Variants in TMPRSS9 observed in about 807,000 individuals in gnomAD.
TMPRSS9 encodes transmembrane serine protease 9, also known as transmembrane protease serine 9.
A neutral mutation model predicts 111.4 loss-of-function variants in TMPRSS9; 113 were observed. The ratio of observed to expected loss-of-function variants is 1.01; its 90% CI spans 0.87 to 1.19. The LOEUF (loss-of-function observed/expected upper bound fraction) is 1.19, where lower values mean the gene tolerates loss of function less well. TMPRSS9 is among the 50% of genes most tolerant of loss of function. TMPRSS9 has a pLI of 0.00. For missense variants in TMPRSS9, 1,803 were observed against 1,513.1 expected, an observed-to-expected ratio of 1.19 and a Z score of -3.18; for synonymous variants, 805 against 659.1, an observed-to-expected ratio of 1.22 and a Z score of -3.39.
intron 7 of TMPRSS9, among the ~76,000 whole-genome samples, chr19:2,406,112 G>A (rs1214884665): frequency 3.4e-5 from 5 of 147,728 alleles, no homozygotes; most frequent in Non-Finnish European, 5.9e-5. Context: ...CCGGGTTCAC[G>A]CCATTCTCCT....
At chr19:2,426,079 C>T in exon 18 of TMPRSS9, 4 of 1,605,278 alleles carry the variant, frequency 2.5e-6, no homozygotes, top group South Asian at 1.1e-5. Flanking sequence ...GACAGCACAT[C>T]CAGGAGTGAC....
chr19:2,392,573 C>T (rs764176846), intron 1 of TMPRSS9, among the ~76,000 whole-genome samples: 2 of 152,084 alleles, frequency 1.3e-5, no homozygotes, highest in Non-Finnish European at 2.9e-5. Flanking sequence ...CAGGGCCGGG[C>T]GAAGCCAGCT....
chr19:2,366,667 C>T (rs1290391235), intron 1 of TMPRSS9, among the ~76,000 whole-genome samples: 1 of 151,400 alleles, frequency 6.6e-6, no homozygotes, highest in Non-Finnish European at 1.5e-5. Flanking sequence ...ACCATCCTGG[C>T]TAACACGATG....
At chr19:2,383,287 G>C (rs1054575253) in intron 1 of TMPRSS9, among the ~76,000 whole-genome samples, 1 of 151,844 alleles carries the variant, frequency 6.6e-6, no homozygotes, top group Admixed American at 6.6e-5. Context: ...CTGGGAGGCA[G>C]AGTTTGCAGT....
At chr19:2,399,145 G>A (rs200462986) in exon 4 of TMPRSS9, 44 of 1,612,854 alleles carry the variant, frequency 2.7e-5, no homozygotes, top group Non-Finnish European at 3.5e-5. Flanking sequence ...GCGGGAGCAC[G>A]GCATCTCCCT....
At chr19:2,379,662 T>TTTCTTTCC (rs1970369691) in intron 1 of TMPRSS9, among the ~76,000 whole-genome samples, 4 of 149,954 alleles carry the variant, frequency 2.7e-5, no homozygotes, top group Non-Finnish European at 4.4e-5. Context: ...TCTTTCTTTC[T>TTTCTTTCC]TTCTTTCTTT....
exon 15 of TMPRSS9, chr19:2,424,106 G>A (rs767031196): frequency 1.5e-6 from 2 of 1,324,576 alleles, no homozygotes; most frequent in South Asian, 2.0e-5. Flanking sequence ...CCTGGCGCCG[G>A]CCGCGCTCAC....
chr19:2,418,323 C>G (rs59476829), intron 13 of TMPRSS9, among the ~76,000 whole-genome samples, 185 bp downstream of exon 14: 1 of 41,954 alleles, frequency 2.4e-5, no homozygotes, highest in African/African-American at 2.4e-4. Context: ...CCCTCCCTCC[C>G]TCCCTCCCTT....
At chr19:2,393,858 A>T (rs1406539138) in intron 1 of TMPRSS9, among the ~76,000 whole-genome samples, 2 of 136,164 alleles carry the variant, frequency 1.5e-5, no homozygotes, top group African/African-American at 5.6e-5. Context: ...AGATCATGCC[A>T]CTGCACTCCA....
chr19:2,417,381 G>A (rs983007546), intron 12 of TMPRSS9, among the ~76,000 whole-genome samples: 1 of 151,284 alleles, frequency 6.6e-6, no homozygotes, highest in African/African-American at 2.4e-5. Flanking sequence ...CAGGAGAATT[G>A]CTTGAATCTG....
chr19:2,367,858 C>T (rs894889208), intron 1 of TMPRSS9, among the ~76,000 whole-genome samples: 7 of 152,094 alleles, frequency 4.6e-5, no homozygotes, highest in Admixed American at 3.9e-4. Context: ...AGCCACTGCA[C>T]CCAGCCCATG....
chr19:2,382,214 T>G (rs975617099), intron 1 of TMPRSS9, among the ~76,000 whole-genome samples: 12 of 152,058 alleles, frequency 7.9e-5, no homozygotes, highest in Admixed American at 4.6e-4. Context: ...CAGGCTGGAG[T>G]GCTCACTGCA....
chr19:2,385,660 T>A (rs1970462665), upstream of TMPRSS9, among the ~76,000 whole-genome samples: 1 of 152,048 alleles, frequency 6.6e-6, no homozygotes, highest in Admixed American at 6.6e-5. Flanking sequence ...AAGGCCAGAC[T>A]GGACAACATA....
At chr19:2,398,606 A>C (rs1970758169) in intron 2 of TMPRSS9, among the ~76,000 whole-genome samples, 189 bp from the exon 4 acceptor site, 1 of 152,112 alleles carries the variant, frequency 6.6e-6, no homozygotes, top group African/African-American at 2.4e-5. Flanking sequence ...TGACAGAGCA[A>C]GACTCTGTCT....
chr19:2,370,727 TTCTC>T (rs1163492545), intron 1 of TMPRSS9, among the ~76,000 whole-genome samples: 3 of 152,116 alleles, frequency 2.0e-5, no homozygotes, highest in African/African-American at 4.8e-5. Context: ...TGCTTTTGCT[TTCTC>T]TCTCTGTCTC....
chr19:2,395,106 C>T (rs1237502705), intron 1 of TMPRSS9, among the ~76,000 whole-genome samples: 1 of 152,016 alleles, frequency 6.6e-6, no homozygotes, highest in Admixed American at 6.6e-5. Context: ...TGTGGCGAAA[C>T]CCCATCTCTG....
rs563643375 is a variant in TMPRSS9, at chr19:2,395,063, C to T, written c.143-1476C>T. ...TGGCAGGCTGAGGCGGGCAGATCAC[C>T]TGAGGTCAGGAGTTCCCGACCAGCC... On this transcript the variant is annotated intron_variant, in intron 1 of 17. Transcript: ENST00000648592. Among the ~76,000 whole-genome samples the T allele has an allele frequency of 1.1e-3, 172 of 152,148 alleles. 1 individual carries two copies. The highest frequency in any genetic ancestry group is 4.1e-3 in the African/African-American group (169 of 41,540).
chr19:2,378,071 G>A (rs1970353775), intron 1 of TMPRSS9, among the ~76,000 whole-genome samples: 1 of 151,820 alleles, frequency 6.6e-6, no homozygotes, highest in Non-Finnish European at 1.5e-5. Context: ...GTAGAGATGG[G>A]GTCTCACTAT....
At chr19:2,394,301 C>A (rs184269599) in intron 1 of TMPRSS9, among the ~76,000 whole-genome samples, 1 of 152,192 alleles carries the variant, frequency 6.6e-6, no homozygotes, top group Admixed American at 6.6e-5. Flanking sequence ...GCAGGAGGAT[C>A]ACCTGAGCCC....
Sources: gnomAD v4.1 joint callset for allele counts (sites outside exome capture counted in the v4.1 genomes callset) on GRCh38, gnomAD v4.1.1 for gene constraint, MANE v1.5 for transcripts, NCBI Gene and HGNC (gene_info 2026-07-23, HGNC 2026-07-21) for gene names.